Variants in CDK14 observed in about 807,000 individuals in gnomAD.
CDK14 encodes the protein cyclin dependent kinase 14.
In CDK14, 34 loss-of-function variants were observed where a neutral mutation model predicts 60.7. The observed-to-expected ratio is 0.56, with a 90% CI of 0.43 to 0.75. CDK14 has a LOEUF of 0.75. Among genes scored for constraint, CDK14 ranks in the 30% least tolerant of loss-of-function variants. CDK14 has a pLI of 0.00. For missense variants in CDK14, 482 were observed against 564.1 expected (o/e 0.85, Z 1.47); for synonymous variants, 197 against 203.7 (o/e 0.97, Z 0.28).
intron 10 of CDK14, among the ~76,000 whole-genome samples, chr7:91,029,176 A>C (rs112360858): frequency 0.017 from 2,542 of 152,228 alleles, 24 homozygotes; most frequent in Non-Finnish European, 0.022. Context: ...GTTCCTCTGA[A>C]TATGGCTCTA....
chr7:90,931,545 C>G (rs919235946), intron 8 of CDK14, among the ~76,000 whole-genome samples: 1 of 152,214 alleles, frequency 6.6e-6, no homozygotes, highest in African/African-American at 2.4e-5. Context: ...CTCCAGCCTC[C>G]TGACAGTCCC....
At chr7:90,964,564 C>T (rs1045992178) in intron 9 of CDK14, among the ~76,000 whole-genome samples, 1 of 152,172 alleles carries the variant, frequency 6.6e-6, no homozygotes. Flanking sequence ...CATCCATACC[C>T]ACCCTTTAAT....
intron 5 of CDK14, among the ~76,000 whole-genome samples, chr7:90,854,183 A>G (rs923495993): frequency 6.6e-6 from 1 of 152,226 alleles, no homozygotes; most frequent in Non-Finnish European, 1.5e-5. Context: ...ATAGCTATTC[A>G]CATACATTCA....
intron 2 of CDK14, among the ~76,000 whole-genome samples, chr7:90,648,786 A>T (rs562392496): frequency 9.1e-4 from 138 of 152,348 alleles, no homozygotes; most frequent in Non-Finnish European, 1.7e-3. Flanking sequence ...GCCCTGTCCT[A>T]TGAAACTTCT....
intron 3 of CDK14, among the ~76,000 whole-genome samples, chr7:90,727,285 T>G (rs527376708): frequency 6.6e-6 from 1 of 152,218 alleles, no homozygotes; most frequent in African/African-American, 2.4e-5. Context: ...AAGTGACAAG[T>G]TGAAGTTCTT....
At chr7:91,084,628 T>A (rs1156370533) in intron 12 of CDK14, among the ~76,000 whole-genome samples, 3 of 152,354 alleles carry the variant, frequency 2.0e-5, no homozygotes, top group Non-Finnish European at 4.4e-5. Flanking sequence ...AGCAAAGAAT[T>A]CAGTGTCATT....
chr7:90,820,644 G>A (rs1789512728), intron 5 of CDK14, among the ~76,000 whole-genome samples: 1 of 152,082 alleles, frequency 6.6e-6, no homozygotes, highest in Admixed American at 6.6e-5. Context: ...CCAGTCTCAG[G>A]TAGTTCTTTA....
chr7:91,039,443 A>G (rs1797024883), intron 10 of CDK14, among the ~76,000 whole-genome samples: 1 of 152,234 alleles, frequency 6.6e-6, no homozygotes, highest in Non-Finnish European at 1.5e-5. Flanking sequence ...TATAAAATGA[A>G]AAAGATACAT....
At chr7:90,604,337 A>G in intron 2 of CDK14, 88 bp downstream of exon 2, 1 of 666,938 alleles carries the variant, frequency 1.5e-6, no homozygotes, top group Non-Finnish European at 2.4e-6. Context: ...CTGGAAACAA[A>G]AAAAATGCCT....
At chr7:90,790,775 G>A in intron 5 of CDK14, 123 bp downstream of exon 5, 2 of 567,624 alleles carry the variant, frequency 3.5e-6, no homozygotes, top group East Asian at 3.1e-5. Context: ...TCATTAAAAT[G>A]TGTAAACTGA....
chr7:90,999,888 T>C (rs17401789), intron 10 of CDK14, among the ~76,000 whole-genome samples: 2,428 of 152,328 alleles, frequency 0.016, 32 homozygotes, highest in Non-Finnish European at 0.027. Context: ...TACAAAAAAT[T>C]ATTATTACTT....
intron 5 of CDK14, among the ~76,000 whole-genome samples, chr7:90,809,178 GCACCA>G (rs1249784485): frequency 6.6e-6 from 1 of 152,062 alleles, no homozygotes; most frequent in African/African-American, 2.4e-5. Flanking sequence ...ATTCTTTTCA[GCACCA>G]CACCACACCT....
At chr7:91,150,645 T>C (rs1036900059) in intron 14 of CDK14, among the ~76,000 whole-genome samples, 1 of 152,186 alleles carries the variant, frequency 6.6e-6, no homozygotes, top group African/African-American at 2.4e-5. Context: ...AAATAGTTGT[T>C]AAGTCAACAA....
chr7:90,822,543 G>A (rs772581568), intron 5 of CDK14, among the ~76,000 whole-genome samples: 1 of 151,998 alleles, frequency 6.6e-6, no homozygotes, highest in Non-Finnish European at 1.5e-5. Flanking sequence ...GCCCAGTGCT[G>A]TGCTCCCCTC....
At chr7:91,075,020 G>C (rs554442625) in intron 11 of CDK14, among the ~76,000 whole-genome samples, 9 of 152,212 alleles carry the variant, frequency 5.9e-5, no homozygotes, top group East Asian at 5.8e-4. Context: ...ACCAAAAAAA[G>C]CCCAGGACCA....
intron 14 of CDK14, among the ~76,000 whole-genome samples, chr7:91,185,172 C>A (rs1195745357): frequency 6.7e-6 from 1 of 149,050 alleles, no homozygotes; most frequent in Non-Finnish European, 1.5e-5. Flanking sequence ...ACACACATTT[C>A]AACCCTGAGT....
At chr7:90,690,620 A>T (rs1023057961) in intron 2 of CDK14, among the ~76,000 whole-genome samples, 1 of 152,190 alleles carries the variant, frequency 6.6e-6, no homozygotes, top group African/African-American at 2.4e-5. Context: ...GATTGTGTTT[A>T]TAACAGTATT....
intron 14 of CDK14, among the ~76,000 whole-genome samples, chr7:91,134,077 C>T (rs1800195516): frequency 6.6e-6 from 1 of 152,090 alleles, no homozygotes; most frequent in African/African-American, 2.4e-5. Flanking sequence ...GATTCTCCAC[C>T]TGCTGCTAAT....
At chr7:91,175,974 A>G (rs914055768) in intron 14 of CDK14, among the ~76,000 whole-genome samples, 4 of 152,126 alleles carry the variant, frequency 2.6e-5, no homozygotes, top group Non-Finnish European at 5.9e-5. Flanking sequence ...AGACATCTAC[A>G]GAACTCTCCA....
Sources: gnomAD v4.1 joint callset for allele counts (sites outside exome capture counted in the v4.1 genomes callset) on GRCh38, gnomAD v4.1.1 for gene constraint, MANE v1.5 for transcripts, NCBI Gene and HGNC (gene_info 2026-07-23, HGNC 2026-07-21) for gene names.